CDH20: variants seen among roughly 807,000 people sequenced by gnomAD.
CDH20 encodes cadherin-20.
A neutral mutation model predicts 74.2 loss-of-function variants in CDH20; 29 were observed. That is an observed-to-expected ratio of 0.39 (90% CI 0.29 to 0.53). The LOEUF is 0.53. CDH20 is among the 20% of genes least tolerant of loss of function. CDH20 has a pLI of 0.69. For synonymous variants in CDH20, 469 were observed against 405.4 expected (o/e 1.16, Z -1.88); for missense variants, 988 against 1,048.3 (o/e 0.94, Z 0.79).
At chr18:61,385,463 T>C (rs1448366791) in intron 1 of CDH20, among the ~76,000 whole-genome samples, 2 of 151,996 alleles carry the variant, frequency 1.3e-5, no homozygotes, top group African/African-American at 2.4e-5. Flanking sequence ...TATATTTCAC[T>C]ACACTCAAAA....
intron 1 of CDH20, among the ~76,000 whole-genome samples, chr18:61,335,188 C>T (rs538209722): frequency 1.3e-5 from 2 of 152,200 alleles, no homozygotes; most frequent in Non-Finnish European, 2.9e-5. Context: ...GTTGACCCAG[C>T]GTTTCCCTTT....
chr18:61,503,594 A>G (rs1201188080), intron 5 of CDH20, among the ~76,000 whole-genome samples: 2 of 152,182 alleles, frequency 1.3e-5, no homozygotes, highest in Admixed American at 1.3e-4. Flanking sequence ...CCATGTGACG[A>G]TCTTCACCAA....
intron 1 of CDH20, among the ~76,000 whole-genome samples, chr18:61,394,928 T>G (rs1468762492): frequency 2.6e-5 from 4 of 151,878 alleles, no homozygotes; most frequent in African/African-American, 9.7e-5. Context: ...CTTAGAATGG[T>G]TCTTCCTCCT....
intron 1 of CDH20, among the ~76,000 whole-genome samples, chr18:61,340,106 C>A (rs144242372): frequency 6.6e-6 from 1 of 152,190 alleles, no homozygotes; most frequent in African/African-American, 2.4e-5. Context: ...TTAATACACT[C>A]CTACTTATCT....
At chr18:61,496,924 T>C (rs957282186) in intron 2 of CDH20, among the ~76,000 whole-genome samples, 1 of 152,016 alleles carries the variant, frequency 6.6e-6, no homozygotes, top group African/African-American at 2.4e-5. Context: ...CCTTCTGAAA[T>C]CCTTGTTCTC....
intron 1 of CDH20, among the ~76,000 whole-genome samples, chr18:61,345,990 G>A (rs912590441): frequency 1.3e-5 from 2 of 152,154 alleles, no homozygotes; most frequent in Admixed American, 6.5e-5. Context: ...CAGTACCTGG[G>A]CCCTGGGCTT....
At chr18:61,520,101 G>T (rs1912143694) in intron 6 of CDH20, among the ~76,000 whole-genome samples, 1 of 150,748 alleles carries the variant, frequency 6.6e-6, no homozygotes, top group South Asian at 2.1e-4. Flanking sequence ...TGGATCACGA[G>T]GTCAGGAGAT....
chr18:61,409,056 C>T (rs553785269), intron 1 of CDH20, among the ~76,000 whole-genome samples: 1 of 152,272 alleles, frequency 6.6e-6, no homozygotes, highest in South Asian at 2.1e-4. Flanking sequence ...TAAATAATTA[C>T]AACTTACCCC....
At chr18:61,365,005 G>T (rs1474396697) in intron 1 of CDH20, among the ~76,000 whole-genome samples, 1 of 152,090 alleles carries the variant, frequency 6.6e-6, no homozygotes, top group African/African-American at 2.4e-5. Context: ...CTTAATCAGG[G>T]AAAGCCTGTG....
chr18:61,385,702 G>A (rs1008351154), intron 1 of CDH20, among the ~76,000 whole-genome samples: 6 of 152,118 alleles, frequency 3.9e-5, no homozygotes, highest in Non-Finnish European at 7.4e-5. Flanking sequence ...GGAGGTCAAG[G>A]TGGGCAGATC....
In CDH20 at chr18:61,353,022, T is replaced by C. The variant is rs1910362200; in HGVS notation, c.-153+19195T>C. Among the ~76,000 whole-genome samples, 1 of 152,220 alleles carries C rather than the reference T, an allele frequency of 6.6e-6. No homozygotes were observed. Among genetic ancestry groups the C allele is most frequent in the Non-Finnish European group, 1.5e-5 (1 of 68,034 alleles). ...ACATATAAACAAAGCCAACATGGTC[T>C]CCCAGTCAGCCTCTTCTCTAGCAAC... On this transcript the variant is annotated intron_variant, in intron 1 of 11. Transcript: ENST00000262717. The surrounding 1 kb of genome is among the most constrained non-coding windows in gnomAD (Gnocchi z 4.6).
rs562422787 is a variant in CDH20, at chr18:61,486,196, C to T, written c.-152-4206C>T. ...AACTTCTGGTCAGAGAACTGTGTCC[C>T]CTTTCAGCATATAAAACCATACTAT... On this transcript the variant is annotated intron_variant, in intron 1 of 11. Coordinates refer to ENST00000262717, the MANE Select transcript of CDH20 (RefSeq NM_031891.4). 1.4e-4 allele frequency among the ~76,000 whole-genome samples: 21 copies of T among 152,224 alleles called. No individual in the cohort carries two copies. The East Asian group carries it at 3.5e-3, about 25-fold the overall frequency.
chr18:61,411,444 T>C (rs1172561740), intron 1 of CDH20, among the ~76,000 whole-genome samples: 1 of 152,146 alleles, frequency 6.6e-6, no homozygotes, highest in Non-Finnish European at 1.5e-5. Context: ...ATGAAAAAGA[T>C]ACTTGCGCAT....
chr18:61,334,818 A>C (rs1389620271), intron 1 of CDH20, among the ~76,000 whole-genome samples: 1 of 152,024 alleles, frequency 6.6e-6, no homozygotes. Context: ...TTCAGAGTTT[A>C]CTATGTTGTT....
At chr18:61,540,357 C>T (rs954959719) in intron 9 of CDH20, among the ~76,000 whole-genome samples, 4 of 152,086 alleles carry the variant, frequency 2.6e-5, no homozygotes, top group African/African-American at 7.2e-5. Flanking sequence ...TGTATTAGTC[C>T]ATTTTCATGC....
chr18:61,501,887 C>CG (rs974518511), intron 4 of CDH20, among the ~76,000 whole-genome samples: 4 of 151,954 alleles, frequency 2.6e-5, no homozygotes, highest in African/African-American at 7.3e-5. Context: ...TGACAGCTCC[C>CG]GGGGGGCATC....
chr18:61,554,712 GGC>G lies in CDH20; in HGVS notation c.*23_*24del, dbSNP rs764149713. ...CTGTGGTGACGGAAGCCAGGAGGCA[GGC>G]GCGCGTCCAAATCCAGACGTTCTCC... On this transcript the variant is annotated 3_prime_UTR_variant, in exon 12 of 12. Coordinates refer to ENST00000262717, the MANE Select transcript of CDH20 (RefSeq NM_031891.4). 6 of 1,533,538 alleles carry G rather than the reference GGC, an allele frequency of 3.9e-6. No homozygotes were observed. In the South Asian group the frequency reaches 7.2e-5, roughly 19 times the overall value. The allele number at this position is 1,533,538 out of a possible 1,614,324, so 95.0% of individuals were successfully genotyped here.
At chr18:61,424,410 G>C (rs1261915977) in intron 1 of CDH20, among the ~76,000 whole-genome samples, 1 of 152,178 alleles carries the variant, frequency 6.6e-6, no homozygotes, top group African/African-American at 2.4e-5. Flanking sequence ...ACCAAAATGT[G>C]TCTCTCTGAG....
intron 1 of CDH20, chr18:61,405,152 G>C (rs1912289393): frequency 6.7e-6 from 4 of 597,770 alleles, no homozygotes; most frequent in Non-Finnish European, 1.3e-5. Context: ...TAACAAGTTA[G>C]AGCCTAGAAT....
Sources: allele counts gnomAD v4.1 joint callset (sites outside exome capture counted in the v4.1 genomes callset), GRCh38; gene constraint gnomAD v4.1.1; non-coding constraint Gnocchi (gnomAD v3.1); transcripts MANE v1.5; gene names NCBI Gene and HGNC (gene_info 2026-07-23, HGNC 2026-07-21).